SBNO1: variants seen among roughly 807,000 people sequenced by gnomAD.
SBNO1 encodes protein strawberry notch homolog 1.
Under a neutral mutation model 173.6 loss-of-function variants are expected in SBNO1, and 23 were observed. The ratio of observed to expected loss-of-function variants is 0.13; its 90% CI spans 0.10 to 0.19. SBNO1 has a LOEUF of 0.19. Ranked by LOEUF, SBNO1 falls within the 10% of genes least tolerant of loss-of-function variation. The pLI is 1.00. For missense variants in SBNO1, 1,238 were observed against 1,671.2 expected (o/e 0.74, Z 4.52); for synonymous variants, 632 against 571.5 (o/e 1.11, Z -1.51).
In SBNO1 at chr12:123,327,456, G is replaced by A. The variant is rs770243868; in HGVS notation, c.1662C>T (p.Tyr554=). ...KIEEVLLSQS[Y]VKMYNKAVKL... ...TGACAGCTTTGTTATACATTTTAACGTAGCTCTGAGAAAGAAGAACTTCCT... is the reference window on the plus strand; with the variant it reads ...TGACAGCTTTGTTATACATTTTAACATAGCTCTGAGAAAGAAGAACTTCCT... Residue 554 remains tyrosine (Y), a synonymous_variant, in exon 13 of 32, where the codon TAC becomes TAT. Transcript: ENST00000602398. 16 of 1,613,698 alleles carry A rather than the reference G, an allele frequency of 9.9e-6. No individual in the cohort carries two copies. Among genetic ancestry groups the A allele is most frequent in the Non-Finnish European group, 1.2e-5 (14 of 1,179,834 alleles).
intron 30 of SBNO1, among the ~76,000 whole-genome samples, chr12:123,299,992 T>G (rs1280649125): frequency 6.6e-6 from 1 of 151,960 alleles, no homozygotes; most frequent in African/African-American, 2.4e-5. Context: ...GACTCAGCAA[T>G]CTAGAGAGAT....
intron 1 of SBNO1, among the ~76,000 whole-genome samples, chr12:123,350,974 T>A (rs10846524): frequency 0.063 from 9,513 of 152,074 alleles, 331 homozygotes; most frequent in South Asian, 0.11. Flanking sequence ...ATACAAAAAT[T>A]AGCCACATGT....
At chr12:123,329,954 C>A (rs921305176) in intron 9 of SBNO1, among the ~76,000 whole-genome samples, 15 of 152,272 alleles carry the variant, frequency 9.9e-5, no homozygotes, top group Admixed American at 9.2e-4. Context: ...TTCATGTGAG[C>A]AGAGGTATGA....
At chr12:123,356,663 C>G (rs1194370962) in intron 1 of SBNO1, among the ~76,000 whole-genome samples, 1 of 152,206 alleles carries the variant, frequency 6.6e-6, no homozygotes, top group Non-Finnish European at 1.5e-5. Context: ...AGGCTGTTCT[C>G]AAACTCCTGA....
chr12:123,347,443 G>C (rs1427948110), intron 3 of SBNO1, among the ~76,000 whole-genome samples: 2 of 151,830 alleles, frequency 1.3e-5, no homozygotes, highest in Admixed American at 6.6e-5. Flanking sequence ...AACCAGGATG[G>C]TCTCGATCTC....
intron 20 of SBNO1, among the ~76,000 whole-genome samples, chr12:123,317,686 G>A (rs1323249929): frequency 6.6e-6 from 1 of 152,180 alleles, no homozygotes; most frequent in Non-Finnish European, 1.5e-5. Context: ...ACTTGGAAAT[G>A]GAGGCCCACA....
At position 123,336,385 on chromosome 12, in the gene SBNO1, G is replaced by GCT. The variant is rs779252663; in HGVS notation, c.748+9_748+10insAG. The GCT allele has an allele frequency of 6.7e-7, 1 of 1,496,780 alleles. No homozygotes were observed. The highest frequency in any genetic ancestry group is 9.2e-7 in the Non-Finnish European group (1 of 1,085,294). The allele number at this position is 1,496,780 out of a possible 1,614,324, so 92.7% of individuals were successfully genotyped here. On this transcript the variant is annotated intron_variant, in intron 6 of 31. Coordinates refer to ENST00000602398, the MANE Select transcript of SBNO1 (RefSeq NM_001167856.3). ...TTGATGTAAATATCTGACAAATCCC[G>GCT]AAGACATACATTTTATTGGCATGTA... is the stretch of plus-strand genomic sequence containing the variant.
Position 123,294,559 on chromosome 12 carries a change from A to G in SBNO1, c.*1349T>C, listed in dbSNP as rs1331102067. ...TATAATAACTTTTTATTTGACATCTACAAGATTTTGGCATCTTGCAGCTTT... is the reference window on the plus strand; with the variant it reads ...TATAATAACTTTTTATTTGACATCTGCAAGATTTTGGCATCTTGCAGCTTT... On this transcript the variant is annotated 3_prime_UTR_variant, in exon 32 of 32. Coordinates refer to ENST00000602398, the MANE Select transcript of SBNO1 (RefSeq NM_001167856.3). 10 of 146,570 alleles carry G rather than the reference A, an allele frequency of 6.8e-5. No homozygotes were observed. The Admixed American group carries it at 7.5e-4, about 11-fold the overall frequency. The allele number at this position is 146,570 out of a possible 1,614,324, so 9.1% of individuals were successfully genotyped here.
chr12:123,356,733 C>T (rs1175300781), intron 1 of SBNO1, among the ~76,000 whole-genome samples: 1 of 152,218 alleles, frequency 6.6e-6, no homozygotes, highest in Non-Finnish European at 1.5e-5. Context: ...CGTGAGCCAC[C>T]GTGCCCTGCA....
chr12:123,294,654 A>AAAAAAAAG lies in SBNO1; in HGVS notation c.*1246_*1253dup, dbSNP rs775796219. The AAAAAAAAG allele has an allele frequency of 6.5e-6, 1 of 154,218 alleles. No individual in the cohort carries two copies. The highest frequency in any genetic ancestry group is 2.9e-5 in the African/African-American group (1 of 34,434). 9.6% of individuals were successfully genotyped at this position (154,218 alleles called of 1,614,324 possible). A position where few individuals can be genotyped will look rare whatever the true frequency, so the allele number is the denominator to read the frequency against. On this transcript the variant is annotated 3_prime_UTR_variant, in exon 32 of 32. Transcript: ENST00000602398. ...GGAAGCAAAAAAAAAAAAAAAAAAA[A>AAAAAAAAG]AAAAAAAGAAAAAAAGAAAAGAAAG...
intron 1 of SBNO1, 41 bp downstream of exon 1, chr12:123,364,660 G>A (rs1391366707): frequency 6.1e-5 from 60 of 982,600 alleles, no homozygotes; most frequent in Admixed American, 1.9e-4. Context: ...TGTCCGGGAG[G>A]GGGAGTGTGG....
rs1012919972 is a variant in SBNO1, at chr12:123,302,882, G to A, written c.3787C>T (p.Leu1263=). The A allele has an allele frequency of 2.5e-6, 4 of 1,612,728 alleles. No individual in the cohort carries two copies. The highest frequency in any genetic ancestry group is 1.3e-5 in the African/African-American group (1 of 74,892). The change falls in exon 30 of 32, where the codon CTG becomes TTG. Residue 1263 remains leucine (L), a synonymous_variant. Transcript: ENST00000602398. ...TTATACTGATCTAACCAGTGCATCA[G>A]GGCATCATCTGAGACGACCTGTAAA... ...KYKKVVSDDA[L]MHWLDQYNSS...
intron 9 of SBNO1, among the ~76,000 whole-genome samples, chr12:123,329,378 T>TC (rs1184801687): frequency 6.6e-6 from 1 of 151,396 alleles, no homozygotes; most frequent in African/African-American, 2.4e-5. Flanking sequence ...TGAGATCTTT[T>TC]TTTTTTTTTT....
In SBNO1 at chr12:123,297,329, CAAA is replaced by C. The variant is rs11427958; in HGVS notation, c.4039+646_4039+648del. 3.6e-3 allele frequency among the ~76,000 whole-genome samples: 116 copies of C among 32,028 alleles called. 2 individuals carry two copies. Among genetic ancestry groups the C allele is most frequent in the African/African-American group, 0.012 (113 of 9,516 alleles). 21.0% of individuals were successfully genotyped at this position (32,028 alleles called of 152,430 possible). ...TGGGCGACACAGTGAGACTCAGTCT[CAAA>C]AAAAAAAAAAAAAAAAAAAATTCAT... On this transcript the variant is annotated intron_variant, in intron 31 of 31. Coordinates refer to ENST00000602398, the MANE Select transcript of SBNO1 (RefSeq NM_001167856.3).
intron 25 of SBNO1, 144 bp downstream of exon 25, chr12:123,310,911 C>CT: frequency 6.4e-6 from 4 of 626,144 alleles, no homozygotes; most frequent in Non-Finnish European, 1.1e-5. Context: ...ATGCATGGAT[C>CT]TTTTACACAT....
chr12:123,310,378 C>T (rs10846511), intron 25 of SBNO1, among the ~76,000 whole-genome samples: 9,462 of 151,756 alleles, frequency 0.062, 325 homozygotes, highest in South Asian at 0.11. Flanking sequence ...GGATTACAGG[C>T]GCCCGCCACT....
At chr12:123,337,411 G>A (rs577534248) in intron 5 of SBNO1, among the ~76,000 whole-genome samples, 1 of 152,278 alleles carries the variant, frequency 6.6e-6, no homozygotes, top group Non-Finnish European at 1.5e-5. Flanking sequence ...GTATGCCAAG[G>A]GAAGAGGACA....
At chr12:123,341,716 C>T (rs946670054) in intron 4 of SBNO1, among the ~76,000 whole-genome samples, 8 of 151,426 alleles carry the variant, frequency 5.3e-5, no homozygotes, top group African/African-American at 1.9e-4. Flanking sequence ...TAAGTAAAAA[C>T]GGAGTTTCTC....
Position 123,327,808 on chromosome 12 carries a change from A to G in SBNO1, c.1437T>C (p.Ala479=), listed in dbSNP as rs779085518. 2.7e-5 allele frequency: 43 copies of G among 1,613,156 alleles called. No homozygotes were observed. Among genetic ancestry groups the G allele is most frequent in the Non-Finnish European group, 3.6e-5 (42 of 1,179,400 alleles). The change falls in exon 12 of 32, where the codon GCT becomes GCC. Residue 479 remains alanine, a synonymous_variant. Coordinates refer to ENST00000602398, the MANE Select transcript of SBNO1 (RefSeq NM_001167856.3). ...TATAGGCCATGTTGCGTGGTTCAGA[A>G]GCACCTGAAAATCCCACAAATGAAA... ...ARVVYASATG[A]SEPRNMAYMN...
Sources: gnomAD v4.1 joint callset for allele counts (sites outside exome capture counted in the v4.1 genomes callset) on GRCh38, gnomAD v4.1.1 for gene constraint, MANE v1.5 for transcripts, NCBI Gene and HGNC (gene_info 2026-07-23, HGNC 2026-07-21) for gene names.